Variants in PTPRG observed in about 807,000 individuals in gnomAD.
PTPRG encodes the protein protein tyrosine phosphatase receptor type G, also known as receptor-type tyrosine-protein phosphatase gamma.
PTPRG carries 102 observed loss-of-function variants against 165.3 expected under a neutral mutation model. The ratio of observed to expected loss-of-function variants is 0.62; its 90% CI spans 0.53 to 0.73. PTPRG has a LOEUF of 0.73. PTPRG is among the 30% of genes least tolerant of loss of function. The pLI is 0.00. For synonymous variants in PTPRG, 675 were observed against 669.5 expected (o/e 1.01, Z -0.13); for missense variants, 1,866 against 1,861.4 (o/e 1.00, Z -0.05).
chr3:61,896,602 C>T (rs528811474), intron 2 of PTPRG, among the ~76,000 whole-genome samples: 4 of 152,172 alleles, frequency 2.6e-5, no homozygotes, highest in Admixed American at 6.5e-5. Context: ...GTGGTAGTTA[C>T]GTATGCAGTT....
intron 1 of PTPRG, among the ~76,000 whole-genome samples, chr3:61,730,656 A>G (rs374186417): frequency 1.2e-4 from 19 of 152,212 alleles, no homozygotes; most frequent in African/African-American, 4.1e-4. Context: ...ATTTAGGGCT[A>G]TATGCCCTAA....
At chr3:61,734,973 T>A (rs2032662798) in intron 1 of PTPRG, among the ~76,000 whole-genome samples, 2 of 152,134 alleles carry the variant, frequency 1.3e-5, no homozygotes, top group Admixed American at 6.6e-5. Flanking sequence ...GCATAATTGG[T>A]CAGAGCCAGA....
intron 28 of PTPRG, among the ~76,000 whole-genome samples, chr3:62,289,892 G>A (rs1293978592): frequency 6.6e-6 from 1 of 151,998 alleles, no homozygotes; most frequent in Non-Finnish European, 1.5e-5. Context: ...AGCCAACACA[G>A]TAAAAGCAGA....
intron 2 of PTPRG, among the ~76,000 whole-genome samples, chr3:61,959,636 C>T (rs1405815140): frequency 6.6e-6 from 1 of 152,160 alleles, no homozygotes; most frequent in Non-Finnish European, 1.5e-5. Flanking sequence ...TTGGTATCTG[C>T]ATGCAACTGT....
At chr3:61,717,445 C>A (rs911467404) in intron 1 of PTPRG, among the ~76,000 whole-genome samples, 1 of 152,126 alleles carries the variant, frequency 6.6e-6, no homozygotes, top group African/African-American at 2.4e-5. Context: ...TAAATTGATA[C>A]ACATACACTT....
At chr3:62,008,783 G>T (rs1401278344) in intron 4 of PTPRG, among the ~76,000 whole-genome samples, 2 of 152,166 alleles carry the variant, frequency 1.3e-5, no homozygotes, top group Non-Finnish European at 2.9e-5. Context: ...CCTCGCACGT[G>T]CAGTTCACAA....
intron 6 of PTPRG, among the ~76,000 whole-genome samples, chr3:62,142,412 TCACACACC>T (rs1703965623): frequency 6.6e-6 from 1 of 152,048 alleles, no homozygotes; most frequent in African/African-American, 2.4e-5. Context: ...TGAGTGTTGG[TCACACACC>T]CACACACCAG....
intron 27 of PTPRG, 145 bp downstream of exon 27, chr3:62,281,854 T>A: frequency 1.3e-6 from 1 of 796,384 alleles, no homozygotes; most frequent in South Asian, 2.7e-5. Flanking sequence ...TTTTCCGTTT[T>A]TCTTCCTTCA....
At chr3:61,762,000 A>G (rs1361282984) in intron 2 of PTPRG, among the ~76,000 whole-genome samples, 1 of 151,948 alleles carries the variant, frequency 6.6e-6, no homozygotes, top group East Asian at 1.9e-4. Context: ...TCATTGAGAG[A>G]TTTTAGCAGG....
intron 15 of PTPRG, among the ~76,000 whole-genome samples, chr3:62,251,871 A>T (rs1377325515): frequency 1.3e-5 from 2 of 152,050 alleles, no homozygotes; most frequent in South Asian, 4.1e-4. Context: ...CGGTTTCCTT[A>T]TGTGCACTTT....
rs373986933 is a variant in PTPRG, at chr3:61,592,649, CT to C, written c.85+30292del. 9.1e-3 allele frequency among the ~76,000 whole-genome samples: 1,203 copies of C among 132,732 alleles called. 10 individuals are homozygous for C. Among genetic ancestry groups the C allele is most frequent in the South Asian group, 0.017 (73 of 4,318 alleles). 87.1% of individuals were successfully genotyped at this position (132,732 alleles called of 152,430 possible). ...TCTCTTTTTCTTTCTTTCTTTCTTT[CT>C]TTTTTTTTTTTTTTAAGAAAGGGGG... On this transcript the variant is annotated intron_variant, in intron 1 of 29. Transcript: ENST00000474889.
chr3:62,016,818 TCTCTC>T (rs368225254), intron 4 of PTPRG, among the ~76,000 whole-genome samples: 1 of 152,032 alleles, frequency 6.6e-6, no homozygotes, highest in Non-Finnish European at 1.5e-5. Context: ...CCCCCACACT[TCTCTC>T]CACCCTCTTT....
chr3:61,590,366 T>A (rs1331525518), intron 1 of PTPRG, among the ~76,000 whole-genome samples: 3 of 151,760 alleles, frequency 2.0e-5, no homozygotes, highest in African/African-American at 2.4e-5. Context: ...TATTAAAAAA[T>A]ATATAAAAAT....
chr3:61,956,771 G>A (rs899606301), intron 2 of PTPRG, among the ~76,000 whole-genome samples: 4 of 152,176 alleles, frequency 2.6e-5, no homozygotes, highest in African/African-American at 9.7e-5. Flanking sequence ...CCTTTTGTAT[G>A]ACATTTCTGA....
At chr3:61,734,945 C>T (rs1405606962) in intron 1 of PTPRG, among the ~76,000 whole-genome samples, 4 of 152,166 alleles carry the variant, frequency 2.6e-5, no homozygotes, top group African/African-American at 9.7e-5. Flanking sequence ...CCGTCTGACT[C>T]TTCAGATGGA....
intron 2 of PTPRG, chr3:61,770,585 C>G (rs1280341914): frequency 6.6e-6 from 1 of 152,062 alleles, no homozygotes; most frequent in East Asian, 1.9e-4. Context: ...ATACTTTTTT[C>G]TTCCTGCATT....
chr3:62,020,799 G>A (rs990245977), intron 4 of PTPRG, among the ~76,000 whole-genome samples: 2 of 151,686 alleles, frequency 1.3e-5, no homozygotes, highest in Non-Finnish European at 1.5e-5. Context: ...CTGCAGCCTC[G>A]AACTCCTGGG....
chr3:61,849,961 A>G (rs1332376306), intron 2 of PTPRG, among the ~76,000 whole-genome samples: 1 of 152,286 alleles, frequency 6.6e-6, no homozygotes, highest in Admixed American at 6.5e-5. Context: ...TAAGCAATAC[A>G]TAGTTATTTT....
At chr3:61,730,672 A>G (rs1471965895) in intron 1 of PTPRG, among the ~76,000 whole-genome samples, 1 of 152,190 alleles carries the variant, frequency 6.6e-6, no homozygotes, top group East Asian at 1.9e-4. Context: ...CCTAAGGGAC[A>G]CTCTCTTTTA....
Sources: gnomAD v4.1 joint callset for allele counts (sites outside exome capture counted in the v4.1 genomes callset) on GRCh38, gnomAD v4.1.1 for gene constraint, MANE v1.5 for transcripts, NCBI Gene and HGNC (gene_info 2026-07-23, HGNC 2026-07-21) for gene names.